Variants in ZNF585B observed in about 807,000 individuals in gnomAD.
The protein encoded by ZNF585B is zinc finger protein 585B, also known as zinc finger protein 41-like protein.
ZNF585B carries 7 observed loss-of-function variants against 14.0 expected under a neutral mutation model. The ratio of observed to expected loss-of-function variants is 0.50; its 90% CI spans 0.28 to 0.94. ZNF585B has a LOEUF of 0.94. Among genes scored for constraint, ZNF585B ranks in the 40% least tolerant of loss-of-function variants. The probability of loss-of-function intolerance (pLI) is 0.09; values close to 1 mark genes in which losing one functional copy is unlikely to be tolerated. For missense variants in ZNF585B, 750 were observed against 924.4 expected (o/e 0.81, Z 2.45); for synonymous variants, 290 against 317.3 (o/e 0.91, Z 0.91).
intron 2 of ZNF585B, among the ~76,000 whole-genome samples, chr19:37,195,641 A>G (rs939131891): frequency 6.6e-6 from 1 of 152,086 alleles, no homozygotes; most frequent in Non-Finnish European, 1.5e-5. Context: ...AAATAATCTT[A>G]TAACTATTAA....
At chr19:37,210,007 G>T (rs954887527) in intron 1 of ZNF585B, among the ~76,000 whole-genome samples, 4 of 151,834 alleles carry the variant, frequency 2.6e-5, no homozygotes, top group African/African-American at 9.7e-5. Flanking sequence ...GAGCCACCGC[G>T]CCCGGCCATA....
chr19:37,193,949 T>C (rs1972432667), intron 2 of ZNF585B, among the ~76,000 whole-genome samples: 1 of 152,230 alleles, frequency 6.6e-6, no homozygotes, highest in African/African-American at 2.4e-5. Flanking sequence ...ATTACTGTTA[T>C]TTTGTTGTAG....
intron 4 of ZNF585B, among the ~76,000 whole-genome samples, chr19:37,188,997 G>A (rs1328833249): frequency 6.6e-6 from 1 of 151,652 alleles, no homozygotes; most frequent in Non-Finnish European, 1.5e-5. Flanking sequence ...GAGTGCAATG[G>A]CATGATCTTG....
rs751171851 is a variant in ZNF585B at position 37,186,897 on chromosome 19, A to G, written c.640T>C (p.Tyr214His). 26 of 1,613,888 alleles carry G rather than the reference A, an allele frequency of 1.6e-5. No individual in the cohort carries two copies. Among genetic ancestry groups the G allele is most frequent in the Admixed American group, 8.3e-5 (5 of 59,972 alleles). ...HHRIHTGEKL[Y>H]ECSECGKGFP... ...CCTTTCCCACATTCACTACATTCATATAGTTTTTCTCCGGTATGAATTCTG... is the reference window on the plus strand; with the variant it reads ...CCTTTCCCACATTCACTACATTCATGTAGTTTTTCTCCGGTATGAATTCTG... The change falls in exon 5 of 5, where the codon TAT becomes CAT. Residue 214 changes from tyrosine to histidine, a missense_variant. Physicochemically the swap from Tyr to His is moderately conservative, Grantham distance 83 (BLOSUM62 2). This residue lies in a region of ZNF585B where 517 missense variants were observed against 570.3 expected (regional missense o/e 0.91). Transcript: ENST00000532828.
intron 2 of ZNF585B, among the ~76,000 whole-genome samples, chr19:37,191,830 A>G: frequency 6.6e-6 from 1 of 151,974 alleles, no homozygotes. Context: ...TCAGACGTTC[A>G]AGACCAGTGT....
intron 2 of ZNF585B, among the ~76,000 whole-genome samples, chr19:37,203,479 C>CAAAAAA (rs35565550): frequency 8.7e-6 from 1 of 114,852 alleles, no homozygotes; most frequent in Admixed American, 9.8e-5. Context: ...GATCTTGTCA[C>CAAAAAA]AAAAAAAAAA....
In ZNF585B at chr19:37,186,136, T is replaced by C. The variant is rs112014731; in HGVS notation, c.1401A>G (p.Val467=). ...KRIHTGEKPY[V]CNKCGKAFTN... ...TGAATGCCTTCCCACATTTATTGCA[T>C]ACATAGGGCTTTTCTCCTGTGTGAA... Residue 467 remains valine, a synonymous_variant, in exon 5 of 5, where the codon GTA becomes GTG. Transcript: ENST00000532828. The C allele has an allele frequency of 1.5e-3, 2,394 of 1,614,136 alleles. 42 individuals are homozygous for C. The African/African-American group carries it at 0.028, about 19-fold the overall frequency.
chr19:37,187,187 G>T lies in ZNF585B; in HGVS notation c.350C>A (p.Ser117Tyr). ...AGAATAAATTTTTTGATCTTGAGAG[G>T]AAGCTGGTTTATAACCGATGATTTT... ...HRKIIGYKPA[S>Y]SQDQKIYSGE... The change falls in exon 5 of 5, where the codon TCC (serine) becomes TAC (tyrosine). Residue 117 changes from serine (S) to tyrosine (Y), a missense_variant. This residue lies in a region of ZNF585B where 517 missense variants were observed against 570.3 expected (regional missense o/e 0.91). Transcript: ENST00000532828. The T allele has an allele frequency of 1.2e-6, 2 of 1,613,160 alleles. No individual in the cohort carries two copies. Among genetic ancestry groups the T allele is most frequent in the Non-Finnish European group, 1.7e-6 (2 of 1,179,780 alleles).
At chr19:37,197,072 C>T (rs777174448) in intron 2 of ZNF585B, among the ~76,000 whole-genome samples, 43 of 152,128 alleles carry the variant, frequency 2.8e-4, no homozygotes, top group Non-Finnish European at 5.7e-4. Context: ...TGTTGGTGTG[C>T]TGCACCCATC....
At chr19:37,196,968 T>G (rs1274314299) in intron 2 of ZNF585B, among the ~76,000 whole-genome samples, 2 of 152,164 alleles carry the variant, frequency 1.3e-5, no homozygotes, top group Non-Finnish European at 2.9e-5. Flanking sequence ...TTAGTATAAT[T>G]GCGGTTTCTG....
intron 2 of ZNF585B, chr19:37,199,598 G>A (rs1972509124): frequency 3.0e-6 from 1 of 337,694 alleles, no homozygotes; most frequent in Non-Finnish European, 5.9e-6. Flanking sequence ...ATCGCCTAAT[G>A]TACAAAGATA....
rs1972421484 is a variant in ZNF585B at position 37,193,129 on chromosome 19, C to A, written c.73-2979G>T. Among the ~76,000 whole-genome samples the A allele has an allele frequency of 2.7e-5, 4 of 149,396 alleles. No individual in the cohort carries two copies. In the South Asian group the frequency reaches 8.5e-4, roughly 32 times the overall value. ...CAGCCTGGGCGACAGTGCAAGACTC[C>A]ATCTTAAAAACAAAACAAAACAAAA... On this transcript the variant is annotated intron_variant, in intron 2 of 4. Transcript: ENST00000532828.
intron 1 of ZNF585B, 147 bp from the exon 2 acceptor site, chr19:37,207,401 A>C: frequency 2.1e-6 from 1 of 472,026 alleles, no homozygotes; most frequent in Admixed American, 3.5e-5. Context: ...GGCTTGTTAA[A>C]ACATAGTTTA....
At position 37,186,364 on chromosome 19, in the gene ZNF585B, G is replaced by C. The variant is rs1158824676; in HGVS notation, c.1173C>G (p.Phe391Leu). The C allele has an allele frequency of 2.5e-6, 4 of 1,613,916 alleles. No homozygotes were observed. Among genetic ancestry groups the C allele is most frequent in the Non-Finnish European group, 3.4e-6 (4 of 1,180,008 alleles). Residue 391 changes from phenylalanine (F) to leucine (L), a missense_variant, in exon 5 of 5, where the codon TTC (phenylalanine) becomes TTG (leucine). By Grantham distance (22) the Phe-to-Leu change is conservative. Around this residue, in one of 2 missense-constraint regions of ZNF585B, gnomAD observed 517 missense variants for 570.3 expected, o/e 0.91. Transcript: ENST00000532828. ...GCACTGTGAGTGCTGACTTCTGAGT[G>C]AAGGCTCTCCCACAGTCACTGCATT... ...PYECSDCGRA[F>L]TQKSALTVHQ...
At chr19:37,194,936 G>A (rs1186920967) in intron 2 of ZNF585B, among the ~76,000 whole-genome samples, 1 of 151,592 alleles carries the variant, frequency 6.6e-6, no homozygotes, top group Non-Finnish European at 1.5e-5. Context: ...AGTCTCCAAA[G>A]GAATTAAAAA....
intron 2 of ZNF585B, among the ~76,000 whole-genome samples, chr19:37,194,605 C>T (rs915391394): frequency 1.3e-4 from 20 of 152,108 alleles, no homozygotes; most frequent in African/African-American, 4.8e-4. Context: ...AAGAGCAAGA[C>T]TCCATCTCAA....
At chr19:37,210,356 A>C (rs535095925) in intron 1 of ZNF585B, 85 bp downstream of exon 1, 3 of 152,558 alleles carry the variant, frequency 2.0e-5, no homozygotes, top group Admixed American at 6.5e-5. Flanking sequence ...ACAGACCCCC[A>C]TCACCATGCC....
chr19:37,192,575 C>A (rs934508663), intron 2 of ZNF585B, among the ~76,000 whole-genome samples: 1 of 151,550 alleles, frequency 6.6e-6, no homozygotes, highest in African/African-American at 2.4e-5. Flanking sequence ...CTTTGGGAGG[C>A]CGGGGCAGGT....
At position 37,186,642 on chromosome 19, in the gene ZNF585B, C is replaced by T; in HGVS notation, c.895G>A (p.Glu299Lys). ...RRIHSGEKPYECNNCGKSFIS... is the reference protein window; with the variant it reads ...RRIHSGEKPYKCNNCGKSFIS... Reference sequence around the variant, plus strand: ...AAGGATTTGCCACAGTTATTGCATTCATATGGTTTTTCTCCACTATGAATT... The same window carrying T: ...AAGGATTTGCCACAGTTATTGCATTTATATGGTTTTTCTCCACTATGAATT... Residue 299 changes from glutamate (E) to lysine (K), a missense_variant, in exon 5 of 5, where the codon GAA (glutamate) becomes AAA (lysine). Physicochemically the swap from Glu to Lys is moderately conservative, Grantham distance 56. This residue lies in a region of ZNF585B where 517 missense variants were observed against 570.3 expected (regional missense o/e 0.91). Coordinates refer to ENST00000532828, the MANE Select transcript of ZNF585B (RefSeq NM_152279.4). The T allele has an allele frequency of 6.2e-7, 1 of 1,614,210 alleles. No individual in the cohort carries two copies. Among genetic ancestry groups the T allele is most frequent in the East Asian group, 2.2e-5 (1 of 44,882 alleles).
Sources: gnomAD v4.1 joint callset for allele counts (sites outside exome capture counted in the v4.1 genomes callset) on GRCh38, gnomAD v4.1.1 for gene constraint, gnomAD v4.1.1 regional missense constraint, MANE v1.5 for transcripts, NCBI Gene and HGNC (gene_info 2026-07-23, HGNC 2026-07-21) for gene names.